MAPRE1: variants seen among roughly 807,000 people sequenced by gnomAD.
The protein encoded by MAPRE1 is microtubule associated protein RP/EB family member 1, also known as microtubule-associated protein RP/EB family member 1.
In MAPRE1, 5 loss-of-function variants were observed where a neutral mutation model predicts 32.1. The ratio of observed to expected loss-of-function variants is 0.16; its 90% CI spans 0.08 to 0.33. MAPRE1 has a LOEUF of 0.33. Among genes scored for constraint, MAPRE1 ranks in the 10% least tolerant of loss-of-function variants. MAPRE1 has a pLI of 1.00. For missense variants in MAPRE1, 209 were observed against 327.2 expected, an observed-to-expected ratio of 0.64 and a Z score of 2.79; for synonymous variants, 122 against 118.9, an observed-to-expected ratio of 1.03 and a Z score of -0.17.
intron 4 of MAPRE1, among the ~76,000 whole-genome samples, chr20:32,838,224 A>G (rs1326041974): frequency 6.6e-6 from 1 of 152,014 alleles, no homozygotes; most frequent in African/African-American, 2.4e-5. Flanking sequence ...AACTTTTCCT[A>G]TACATGGAGT....
intron 2 of MAPRE1, among the ~76,000 whole-genome samples, chr20:32,829,025 A>T (rs757796392): frequency 6.6e-6 from 1 of 151,324 alleles, no homozygotes; most frequent in Non-Finnish European, 1.5e-5. Flanking sequence ...GGTTCAAGCG[A>T]TTCTCCTGCC....
intron 2 of MAPRE1, among the ~76,000 whole-genome samples, chr20:32,826,458 G>T (rs1982851834): frequency 6.9e-6 from 1 of 144,742 alleles, no homozygotes; most frequent in Non-Finnish European, 1.5e-5. Flanking sequence ...CTGACCTCAT[G>T]ATCTGCCTGC....
intron 6 of MAPRE1, among the ~76,000 whole-genome samples, 186 bp downstream of exon 6, chr20:32,846,956 G>A (rs1164648422): frequency 6.6e-6 from 1 of 152,244 alleles, no homozygotes; most frequent in Non-Finnish European, 1.5e-5. Flanking sequence ...AGCTTTTGAA[G>A]AAGGAATAGG....
At chr20:32,823,404 T>G (rs959325860) in intron 1 of MAPRE1, among the ~76,000 whole-genome samples, 5 of 151,142 alleles carry the variant, frequency 3.3e-5, no homozygotes, top group Non-Finnish European at 7.3e-5. Flanking sequence ...TGTTGCTGTC[T>G]TATGAAATGA....
At chr20:32,833,500 T>C (rs574825555) in intron 2 of MAPRE1, among the ~76,000 whole-genome samples, 4 of 152,356 alleles carry the variant, frequency 2.6e-5, no homozygotes, top group East Asian at 1.9e-4. Flanking sequence ...CTCCTTGTTA[T>C]AGGCTTCTGG....
At chr20:32,834,327 G>T (rs2146129918) in intron 3 of MAPRE1, among the ~76,000 whole-genome samples, 1 of 152,296 alleles carries the variant, frequency 6.6e-6, no homozygotes, top group African/African-American at 2.4e-5. Context: ...TTTATAGAAG[G>T]TTACAAGGAG....
chr20:32,842,845 T>C (rs187750112), intron 5 of MAPRE1, among the ~76,000 whole-genome samples: 9 of 152,196 alleles, frequency 5.9e-5, no homozygotes, highest in Non-Finnish European at 5.9e-5. Context: ...GAGAGTGTGA[T>C]TGGGGTCTGA....
At chr20:32,830,453 G>T (rs946692461) in intron 2 of MAPRE1, among the ~76,000 whole-genome samples, 2 of 152,144 alleles carry the variant, frequency 1.3e-5, no homozygotes, top group African/African-American at 4.8e-5. Context: ...CCCTTTTCCA[G>T]GTACTCCATT....
chr20:32,826,236 T>TTTTTTTTTTTA (rs1491215602), intron 2 of MAPRE1, among the ~76,000 whole-genome samples, 188 bp downstream of exon 2: 2 of 104,936 alleles, frequency 1.9e-5, no homozygotes, highest in African/African-American at 8.0e-5. Context: ...TTTTTTTTTT[T>TTTTTTTTTTTA]GACAGAGTCT....
intron 3 of MAPRE1, among the ~76,000 whole-genome samples, chr20:32,835,405 A>G (rs1963943931): frequency 8.9e-6 from 1 of 111,814 alleles, no homozygotes; most frequent in African/African-American, 3.9e-5. Context: ...CTGTGTTGCC[A>G]GTGCTGGTCT....
chr20:32,820,449 C>G (rs1174155807), intron 1 of MAPRE1, among the ~76,000 whole-genome samples: 4 of 152,126 alleles, frequency 2.6e-5, no homozygotes, highest in Middle Eastern at 3.2e-3. Flanking sequence ...GGAGTCAGAC[C>G]TGGGTTGGGT....
At chr20:32,836,882 C>G in intron 4 of MAPRE1, 41 bp downstream of exon 4, 1 of 1,533,036 alleles carries the variant, frequency 6.5e-7, no homozygotes, top group South Asian at 1.2e-5. Flanking sequence ...AAATAGCGTT[C>G]CAGATATTCA....
At chr20:32,835,498 A>G (rs1340536871) in intron 3 of MAPRE1, among the ~76,000 whole-genome samples, 1 of 151,348 alleles carries the variant, frequency 6.6e-6, no homozygotes, top group Non-Finnish European at 1.5e-5. Context: ...TTTTAATAGG[A>G]TTTGGAATTA....
At chr20:32,822,630 T>TA (rs148118989) in intron 1 of MAPRE1, among the ~76,000 whole-genome samples, 196 of 152,318 alleles carry the variant, frequency 1.3e-3, no homozygotes, top group African/African-American at 4.7e-3. Flanking sequence ...TAAACCCTTC[T>TA]ATGACCCTTT....
chr20:32,832,407 G>T (rs1447088790), intron 2 of MAPRE1, among the ~76,000 whole-genome samples: 1 of 151,220 alleles, frequency 6.6e-6, no homozygotes, highest in African/African-American at 2.4e-5. Flanking sequence ...AAAAAAATGG[G>T]CAAGTGGGGG....
rs181580199 is a variant in MAPRE1, at chr20:32,849,263, C to G, written c.*535C>G. ...TGGAACCTGCTGTCAACAGGTCTTA[C>G]AGGGCTGCTTGAACCCTCATAGGCC... On this transcript the variant is annotated 3_prime_UTR_variant, in exon 7 of 7. Coordinates refer to ENST00000375571, the MANE Select transcript of MAPRE1 (RefSeq NM_012325.3). The G allele has an allele frequency of 3.3e-5, 5 of 152,682 alleles. No individual in the cohort carries two copies. Among genetic ancestry groups the G allele is most frequent in the African/African-American group, 4.8e-5 (2 of 41,560 alleles). The allele number at this position is 152,682 out of a possible 1,614,324, so 9.5% of individuals were successfully genotyped here.
intron 2 of MAPRE1, among the ~76,000 whole-genome samples, chr20:32,827,612 C>T (rs978242981): frequency 2.6e-4 from 40 of 151,022 alleles, no homozygotes; most frequent in African/African-American, 9.7e-4. Flanking sequence ...ACTGCCATTG[C>T]TTGGCCGGGT....
chr20:32,838,378 T>A (rs1983259047), intron 4 of MAPRE1, among the ~76,000 whole-genome samples: 1 of 152,236 alleles, frequency 6.6e-6, no homozygotes, highest in African/African-American at 2.4e-5. Flanking sequence ...CTCATTTGAT[T>A]CAGCAGTTCA....
rs776417071 is a variant in MAPRE1, at chr20:32,842,108, C to T, written c.597+2252C>T. 2.0e-5 allele frequency among the ~76,000 whole-genome samples: 3 copies of T among 151,432 alleles called. No individual in the cohort carries two copies. In the East Asian group the frequency reaches 5.8e-4, roughly 29 times the overall value. The stretch of plus-strand genomic sequence containing the variant: ...TATTTTTATTTTTATTTTTTTGACA[C>T]GGAATCTCACTCTGTCGCCCAGGCT... On this transcript the variant is annotated intron_variant, in intron 5 of 6. Transcript: ENST00000375571.
Sources: allele counts gnomAD v4.1 joint callset (sites outside exome capture counted in the v4.1 genomes callset), GRCh38; gene constraint gnomAD v4.1.1; transcripts MANE v1.5; gene names NCBI Gene and HGNC (gene_info 2026-07-23, HGNC 2026-07-21).